UAP1: variants seen among roughly 807,000 people sequenced by gnomAD.
UAP1 encodes the protein UDP-N-acetylglucosamine pyrophosphorylase 1.
Under a neutral mutation model 58.5 loss-of-function variants are expected in UAP1, and 25 were observed. That is an observed-to-expected ratio of 0.43 (90% confidence interval 0.31 to 0.60). The LOEUF is 0.60. UAP1 is among the 20% of genes least tolerant of loss of function. The pLI, the probability that UAP1 is intolerant of heterozygous loss-of-function variation, is 0.11. For missense variants in UAP1, 575 were observed against 630.0 expected, an observed-to-expected ratio of 0.91 and a Z score of 0.93; for synonymous variants, 208 against 213.0, an observed-to-expected ratio of 0.98 and a Z score of 0.21.
chr1:162,577,834 A>T (rs1313298540), intron 3 of UAP1, among the ~76,000 whole-genome samples: 1 of 150,586 alleles, frequency 6.6e-6, no homozygotes, highest in Non-Finnish European at 1.5e-5. Flanking sequence ...CTGGTCTTGA[A>T]CTCCTGACCT....
At chr1:162,573,616 A>G (rs188857560) in intron 2 of UAP1, among the ~76,000 whole-genome samples, 7 of 152,280 alleles carry the variant, frequency 4.6e-5, no homozygotes, top group African/African-American at 1.7e-4. Flanking sequence ...GCTTCATATC[A>G]AAGGTGAAAA....
At chr1:162,589,204 T>C (rs1419405622) in intron 7 of UAP1, among the ~76,000 whole-genome samples, 1 of 43,246 alleles carries the variant, frequency 2.3e-5, no homozygotes, top group Non-Finnish European at 4.9e-5. Flanking sequence ...ATATATTATA[T>C]TTAAATATAT....
At chr1:162,566,794 T>A (rs532464655) in intron 2 of UAP1, among the ~76,000 whole-genome samples, 1 of 152,186 alleles carries the variant, frequency 6.6e-6, no homozygotes, top group East Asian at 1.9e-4. Flanking sequence ...GCCTGGCTAA[T>A]TTTTGTATTT....
At chr1:162,572,084 T>G (rs1653897677) in intron 2 of UAP1, among the ~76,000 whole-genome samples, 2 of 152,234 alleles carry the variant, frequency 1.3e-5, no homozygotes, top group South Asian at 4.1e-4. Flanking sequence ...TAAATAGAGA[T>G]GAGATGTAAA....
exon 6 of UAP1, chr1:162,587,532 G>A (rs759587770): frequency 1.2e-6 from 2 of 1,614,086 alleles, no homozygotes; most frequent in Non-Finnish European, 1.7e-6. Flanking sequence ...AGTGGATGGA[G>A]TTTACCAGGT....
At position 162,577,538 on chromosome 1, in the gene UAP1, T is replaced by C. The variant is rs564337883; in HGVS notation, c.485+557T>C. Among the ~76,000 whole-genome samples the C allele has an allele frequency of 2.6e-3, 388 of 148,056 alleles. 1 individual carries two copies. Among genetic ancestry groups the C allele is most frequent in the African/African-American group, 9.5e-3 (382 of 40,240 alleles). ...GTCTTAGCTGACCGTCACCTTTGCC[T>C]TCTGGTCTCAAGCCATCCTCCTACC... On this transcript the variant is annotated intron_variant, in intron 3 of 10. Coordinates refer to ENST00000271469, the Ensembl canonical transcript of UAP1.
intron 5 of UAP1, among the ~76,000 whole-genome samples, chr1:162,586,363 C>T (rs984387423): frequency 2.0e-5 from 3 of 152,058 alleles, no homozygotes; most frequent in Non-Finnish European, 4.4e-5. Context: ...ACTCTGTTGC[C>T]CAGGCTCGAG....
chr1:162,586,421 A>T (rs1212456557), intron 5 of UAP1, among the ~76,000 whole-genome samples: 2 of 152,134 alleles, frequency 1.3e-5, no homozygotes, highest in African/African-American at 4.8e-5. Context: ...CAACCTCCCC[A>T]GACTCAGGTG....
At chr1:162,586,266 A>G (rs546106726) in intron 5 of UAP1, among the ~76,000 whole-genome samples, 17 of 152,240 alleles carry the variant, frequency 1.1e-4, no homozygotes, top group Non-Finnish European at 2.1e-4. Flanking sequence ...AGTTTTAAAC[A>G]TATTTTGAAG....
At chr1:162,577,053 T>A in intron 3 of UAP1, 72 bp downstream of exon 3, 12 of 1,383,154 alleles carry the variant, frequency 8.7e-6, no homozygotes, top group Non-Finnish European at 1.1e-5. Context: ...GCATATATAC[T>A]TTATGCACTC....
chr1:162,580,284 G>A (rs1408348306), intron 4 of UAP1, among the ~76,000 whole-genome samples: 2 of 152,186 alleles, frequency 1.3e-5, no homozygotes, highest in Non-Finnish European at 2.9e-5. Flanking sequence ...TTTAAAAATA[G>A]CATTAATTCT....
chr1:162,596,808 A>C (rs1241214744), intron 9 of UAP1, among the ~76,000 whole-genome samples: 1 of 152,332 alleles, frequency 6.6e-6, no homozygotes, highest in African/African-American at 2.4e-5. Flanking sequence ...ATGGTTTGAC[A>C]AGAGACTAAT....
chr1:162,589,176 T>TATATATA (rs1364896545), intron 7 of UAP1, among the ~76,000 whole-genome samples: 24 of 95,978 alleles, frequency 2.5e-4, no homozygotes, highest in African/African-American at 1.0e-3. Context: ...TATATAAATA[T>TATATATA]TATATATAAT....
intron 1 of UAP1, among the ~76,000 whole-genome samples, chr1:162,563,505 C>T (rs1016159189): frequency 6.6e-6 from 1 of 152,180 alleles, no homozygotes; most frequent in Non-Finnish European, 1.5e-5. Context: ...GCTGGGACTA[C>T]AGGCGCGTGC....
chr1:162,594,279 A>G (rs1655492639), intron 9 of UAP1, among the ~76,000 whole-genome samples: 1 of 152,206 alleles, frequency 6.6e-6, no homozygotes, highest in Admixed American at 6.5e-5. Context: ...CATAAGGAGC[A>G]CACAACCTAG....
intron 1 of UAP1, among the ~76,000 whole-genome samples, chr1:162,565,186 G>A (rs1168733327): frequency 1.3e-5 from 2 of 152,106 alleles, no homozygotes; most frequent in Non-Finnish European, 2.9e-5. Context: ...CTTAACACAT[G>A]GCTAGATTGT....
Position 162,568,072 on chromosome 1 carries a change from ACAGGTATGAGCCACCGTGCCCG to A in UAP1, c.280+1725_280+1746del, listed in dbSNP as rs1653631472. 2.0e-5 allele frequency among the ~76,000 whole-genome samples: 3 copies of A among 152,224 alleles called. No homozygotes were observed. In the South Asian group the frequency reaches 6.2e-4, roughly 31 times the overall value. On this transcript the variant is annotated intron_variant, in intron 2 of 10. Transcript: ENST00000271469. Reference sequence around the variant, plus strand: ...CTGGGCTTCTCCAAGTACTGCGATTACAGGTATGAGCCACCGTGCCCGGGCAGATTGTATATATATTTGATTT... The same window carrying A: ...CTGGGCTTCTCCAAGTACTGCGATTAGGCAGATTGTATATATATTTGATTT...
intron 7 of UAP1, among the ~76,000 whole-genome samples, chr1:162,590,018 A>AT (rs999889036): frequency 2.3e-5 from 3 of 132,344 alleles, no homozygotes; most frequent in East Asian, 2.2e-4. Context: ...TTTCTAAATC[A>AT]TTTTTTTTGC....
At chr1:162,594,943 A>G (rs772137175) in intron 9 of UAP1, among the ~76,000 whole-genome samples, 13 of 152,232 alleles carry the variant, frequency 8.5e-5, no homozygotes, top group Admixed American at 2.6e-4. Context: ...ACATCATGTA[A>G]TTGTGAGAGA....
Sources: allele counts gnomAD v4.1 joint callset (sites outside exome capture counted in the v4.1 genomes callset), GRCh38; gene constraint gnomAD v4.1.1; transcripts MANE v1.5; gene names NCBI Gene and HGNC (gene_info 2026-07-23, HGNC 2026-07-21).